PSMD9: variants seen among roughly 807,000 people sequenced by gnomAD.
PSMD9 encodes proteasome 26S subunit, non-ATPase 9, also known as 26S proteasome non-ATPase regulatory subunit 9.
A neutral mutation model predicts 25.9 loss-of-function variants in PSMD9; 26 were observed. The ratio of observed to expected loss-of-function variants is 1.00; its 90% CI spans 0.73 to 1.39. The LOEUF is 1.39. PSMD9 is among the 40% of genes most tolerant of loss of function. The pLI, the probability that PSMD9 is intolerant of heterozygous loss-of-function variation, is 0.00. For missense variants in PSMD9, 303 were observed against 299.3 expected, an observed-to-expected ratio of 1.01 and a Z score of -0.09; for synonymous variants, 110 against 114.5, an observed-to-expected ratio of 0.96 and a Z score of 0.25.
Position 121,888,810 on chromosome 12 carries a change from C to T in PSMD9, c.-47C>T, listed in dbSNP as rs961066352. The T allele has an allele frequency of 6.3e-7, 1 of 1,577,066 alleles. No individual in the cohort carries two copies. Among genetic ancestry groups the T allele is most frequent in the African/African-American group, 1.3e-5 (1 of 74,394 alleles). ...TAGTTACGGTCGACTGGGGCGTCGT[C>T]CCTAGCCCGGGAGCCGGGTCTCTGG... is the stretch of plus-strand genomic sequence containing the variant. On this transcript the variant is annotated 5_prime_UTR_variant, in exon 1 of 6. Transcript: ENST00000541212.
At chr12:121,902,236 G>A (rs777518595) in intron 3 of PSMD9, 10 of 151,958 alleles carry the variant, frequency 6.6e-5, no homozygotes, top group Non-Finnish European at 1.0e-4. Flanking sequence ...AGTAACTTAT[G>A]TCAGGACACA....
rs917467472 is a variant in PSMD9 at position 121,903,689 on chromosome 12, C to G, written c.555+582C>G. Among the ~76,000 whole-genome samples the G allele has an allele frequency of 5.9e-5, 9 of 152,024 alleles. 1 individual carries two copies. Among genetic ancestry groups the G allele is most frequent in the African/African-American group, 2.2e-4 (9 of 41,480 alleles). On this transcript the variant is annotated intron_variant, in intron 4 of 5. Coordinates refer to ENST00000541212, the MANE Select transcript of PSMD9 (RefSeq NM_002813.7). ...GGGGCCTTTCCTGGCTACCCTAACC[C>G]AAATTCCCCTCTCCTCTGCCCTGTC...
intron 1 of PSMD9, among the ~76,000 whole-genome samples, chr12:121,892,442 T>C (rs2137676356): frequency 6.6e-6 from 1 of 152,260 alleles, no homozygotes; most frequent in East Asian, 1.9e-4. Context: ...GGCTCATGCC[T>C]GTAATCCCAG....
chr12:121,897,622 A>C (rs1348134849), intron 2 of PSMD9: 19 of 148,376 alleles, frequency 1.3e-4, no homozygotes, highest in South Asian at 6.3e-4. Context: ...CTGGTCTCCA[A>C]CTCCTGACCT....
chr12:121,896,925 C>T (rs758846412), intron 2 of PSMD9, among the ~76,000 whole-genome samples: 86 of 151,262 alleles, frequency 5.7e-4, no homozygotes, highest in Non-Finnish European at 1.0e-3. Context: ...GTGTTGTTAA[C>T]AGCATATATA....
At chr12:121,905,567 G>T (rs1357307955) in intron 4 of PSMD9, among the ~76,000 whole-genome samples, 1 of 149,556 alleles carries the variant, frequency 6.7e-6, no homozygotes, top group Admixed American at 6.7e-5. Flanking sequence ...TTGCTCTTTT[G>T]CCCAGTCTGG....
intron 4 of PSMD9, among the ~76,000 whole-genome samples, chr12:121,909,880 A>G (rs957462533): frequency 2.6e-5 from 4 of 151,872 alleles, no homozygotes; most frequent in East Asian, 1.9e-4. Flanking sequence ...AATTTCTGCC[A>G]TGTTGCTAGA....
At chr12:121,913,849 T>C (rs541580384) in intron 4 of PSMD9, among the ~76,000 whole-genome samples, 3 of 152,186 alleles carry the variant, frequency 2.0e-5, no homozygotes, top group Non-Finnish European at 4.4e-5. Flanking sequence ...CTGTTAATAG[T>C]GTCATTTGAT....
At chr12:121,915,592 T>A in intron 4 of PSMD9, 1 of 425,042 alleles carries the variant, frequency 2.4e-6, no homozygotes, top group Admixed American at 4.1e-5. Context: ...ATCTTGCAAT[T>A]GTGTACTATG....
At chr12:121,898,443 A>G (rs911714634) in intron 2 of PSMD9, 4 of 151,990 alleles carry the variant, frequency 2.6e-5, no homozygotes, top group Non-Finnish European at 5.9e-5. Context: ...AACCCAGCCA[A>G]TTGGCAAGAG....
chr12:121,889,073 C>T (rs561625588), intron 1 of PSMD9, 79 bp downstream of exon 1: 1 of 1,505,780 alleles, frequency 6.6e-7, no homozygotes, highest in African/African-American at 1.4e-5. Flanking sequence ...AGGGCGGCCT[C>T]AGTTTGGGCG....
intron 4 of PSMD9, among the ~76,000 whole-genome samples, chr12:121,912,061 T>TTTATTTA (rs1565895710): frequency 7.7e-6 from 1 of 130,420 alleles, no homozygotes; most frequent in African/African-American, 3.1e-5. Context: ...TTATTTATTT[T>TTTATTTA]GAGACAGGTT....
intron 4 of PSMD9, among the ~76,000 whole-genome samples, chr12:121,913,216 T>C (rs774936518): frequency 6.6e-4 from 101 of 152,046 alleles, no homozygotes; most frequent in Admixed American, 2.9e-3. Context: ...AGTGCTGGGA[T>C]TACAGGCGTG....
rs1169021860 is a variant in PSMD9, at chr12:121,897,086, A to G, written c.241+2245A>G. Among the ~76,000 whole-genome samples the G allele has an allele frequency of 2.6e-5, 4 of 152,092 alleles. No individual in the cohort carries two copies. The East Asian group carries it at 5.8e-4, about 22-fold the overall frequency. On this transcript the variant is annotated intron_variant, in intron 2 of 5. Transcript: ENST00000541212. ...AACCAAGATTTCACTTTTCTCTGAA[A>G]TCCTCTAGAAGGAAAAATGCTGCAT...
intron 1 of PSMD9, among the ~76,000 whole-genome samples, chr12:121,893,377 G>A (rs1351915032): frequency 1.3e-5 from 2 of 152,236 alleles, no homozygotes; most frequent in African/African-American, 4.8e-5. Flanking sequence ...CCTCTTCTCA[G>A]TGCCTGTGTA....
chr12:121,888,992 A>G lies in PSMD9; in HGVS notation c.136A>G (p.Ser46Gly), dbSNP rs1376544084. ...QIKANYDVLESQKGIGMNEPL... is the reference protein window; with the variant it reads ...QIKANYDVLEGQKGIGMNEPL... ...CAAGGCCAACTATGACGTGCTGGAA[A>G]GCGTGAGTGTGGGTTCGGGGCGCCC... Residue 46 changes from serine to glycine, a missense_variant and splice_region_variant, in exon 1 of 6, where the codon AGC (serine) becomes GGC (glycine). Coordinates refer to ENST00000541212, the MANE Select transcript of PSMD9 (RefSeq NM_002813.7). 4.4e-6 allele frequency: 7 copies of G among 1,584,000 alleles called. No homozygotes were observed. In the Admixed American group the frequency reaches 1.3e-4, roughly 29 times the overall value.
intron 3 of PSMD9, 75 bp downstream of exon 3, chr12:121,899,920 A>G (rs973607514): frequency 1.3e-6 from 2 of 1,511,888 alleles, no homozygotes; most frequent in African/African-American, 2.7e-5. Context: ...GGATGTGGAA[A>G]GACAGACTAG....
chr12:121,912,006 CTTATTTATTTATTTATTTATTTATTTAT>C (rs71453586), intron 4 of PSMD9, among the ~76,000 whole-genome samples: 4 of 136,586 alleles, frequency 2.9e-5, no homozygotes, highest in African/African-American at 5.6e-5. Context: ...AATGAGCTTG[CTTATTTATTTATTTATTTATTTATTTAT>C]TTATTTATTT....
At chr12:121,904,639 T>TTTATTTTTATTATTATTA (rs1879499042) in intron 4 of PSMD9, among the ~76,000 whole-genome samples, 1 of 138,938 alleles carries the variant, frequency 7.2e-6, no homozygotes, top group Non-Finnish European at 1.5e-5. Flanking sequence ...CCATCTGAAA[T>TTTATTTTTATTATTATTA]TTATTATTAT....
Sources: allele counts gnomAD v4.1 joint callset (sites outside exome capture counted in the v4.1 genomes callset), GRCh38; gene constraint gnomAD v4.1.1; transcripts MANE v1.5; gene names NCBI Gene and HGNC (gene_info 2026-07-23, HGNC 2026-07-21).